Variants in ACOXL observed in about 807,000 individuals in gnomAD.
ACOXL encodes acyl-CoA oxidase like.
Under a neutral mutation model 71.9 loss-of-function variants are expected in ACOXL, and 70 were observed. The observed-to-expected ratio is 0.97, with a 90% CI of 0.80 to 1.19. The LOEUF is 1.19. Ranked by LOEUF, ACOXL falls within the 50% of genes most tolerant of loss-of-function variation. The probability of loss-of-function intolerance (pLI) is 0.00; values close to 1 mark genes in which losing one functional copy is unlikely to be tolerated. For synonymous variants in ACOXL, 253 were observed against 281.6 expected, an observed-to-expected ratio of 0.90 and a Z score of 1.02; for missense variants, 703 against 736.3, an observed-to-expected ratio of 0.95 and a Z score of 0.52.
intron 9 of ACOXL, among the ~76,000 whole-genome samples, chr2:110,810,046 T>C (rs569526212): frequency 6.6e-6 from 1 of 152,308 alleles, no homozygotes; most frequent in African/African-American, 2.4e-5. Flanking sequence ...CTGGTTCAGC[T>C]ACTGGCTGGG....
chr2:110,863,500 C>G (rs762686945), intron 10 of ACOXL, among the ~76,000 whole-genome samples: 11 of 152,060 alleles, frequency 7.2e-5, no homozygotes, highest in Non-Finnish European at 1.6e-4. Flanking sequence ...TTCTCCTCTT[C>G]TACAATGAAT....
intron 5 of ACOXL, 60 bp downstream of exon 5, chr2:110,794,234 T>A: frequency 6.7e-7 from 1 of 1,492,676 alleles, no homozygotes; most frequent in Non-Finnish European, 9.3e-7. Flanking sequence ...CAGAAACAGA[T>A]CTCCTTCTTT....
intron 10 of ACOXL, among the ~76,000 whole-genome samples, chr2:110,904,605 A>T (rs1346823480): frequency 6.6e-6 from 1 of 152,238 alleles, no homozygotes; most frequent in Non-Finnish European, 1.5e-5. Flanking sequence ...AGAAGAGGAC[A>T]GCCATTGAAA....
intron 9 of ACOXL, among the ~76,000 whole-genome samples, chr2:110,810,592 C>T (rs1399356954): frequency 2.0e-5 from 3 of 151,788 alleles, no homozygotes; most frequent in Non-Finnish European, 2.9e-5. Flanking sequence ...ATTCATCATC[C>T]ATGCATCATT....
chr2:110,733,740 A>T (rs1206299364), intron 1 of ACOXL, among the ~76,000 whole-genome samples: 1 of 152,008 alleles, frequency 6.6e-6, no homozygotes, highest in East Asian at 1.9e-4. Flanking sequence ...TGAAAGTTGA[A>T]AAGTGAGAAG....
At chr2:110,735,821 T>A (rs932091984) in intron 1 of ACOXL, among the ~76,000 whole-genome samples, 1 of 152,150 alleles carries the variant, frequency 6.6e-6, no homozygotes, top group Non-Finnish European at 1.5e-5. Flanking sequence ...AAAAGCAACA[T>A]CTGAAATGAG....
chr2:110,929,365 G>C (rs1427841422), intron 11 of ACOXL, among the ~76,000 whole-genome samples: 3 of 152,186 alleles, frequency 2.0e-5, no homozygotes, highest in African/African-American at 7.2e-5. Context: ...CTTTGAACTT[G>C]AGGGAGATGA....
chr2:110,987,205 A>C lies in ACOXL; in HGVS notation c.1157A>C (p.Lys386Thr). 6.4e-7 allele frequency: 1 copy of C among 1,572,832 alleles called. No homozygotes were observed. The highest frequency in any genetic ancestry group is 8.6e-7 in the Non-Finnish European group (1 of 1,156,166). Residue 386 changes from lysine (K) to threonine (T), a missense_variant, in exon 13 of 18, where the codon AAG (lysine) becomes ACG (threonine). Physicochemically the swap from Lys to Thr is moderately conservative, Grantham distance 78. Transcript: ENST00000439055. ...AACTGGGCTGAATCTGTGGGGGACA[A>C]GCTGAGAACCAGGTACGTATTACTC... Reference protein sequence around the residue: ...LQNWAESVGDKLRTSFLAFNM... With the variant: ...LQNWAESVGDTLRTSFLAFNM...
intron 1 of ACOXL, among the ~76,000 whole-genome samples, chr2:110,751,080 T>C (rs1193400186): frequency 1.3e-5 from 2 of 151,722 alleles, no homozygotes; most frequent in Non-Finnish European, 2.9e-5. Context: ...AGGCGGATCA[T>C]GAGGTCAGGA....
chr2:111,093,372 A>T, intron 17 of ACOXL: 4 of 1,348,916 alleles, frequency 3.0e-6, no homozygotes, highest in Non-Finnish European at 4.2e-6. Flanking sequence ...GCTACGGAGC[A>T]CCTGAAAAAG....
chr2:110,783,211 G>A (rs754398231), intron 2 of ACOXL, among the ~76,000 whole-genome samples: 1 of 152,134 alleles, frequency 6.6e-6, no homozygotes, highest in Non-Finnish European at 1.5e-5. Context: ...TTAGCCTCCC[G>A]TGTAGGGTTG....
rs556246363 is a variant in ACOXL at position 111,088,323 on chromosome 2, A to G, written c.1441-4542A>G. 2.6e-5 allele frequency among the ~76,000 whole-genome samples: 4 copies of G among 152,354 alleles called. No homozygotes were observed. The East Asian group carries it at 7.7e-4, about 29-fold the overall frequency. On this transcript the variant is annotated intron_variant, in intron 16 of 17. Transcript: ENST00000439055. ...TACCCAAAGGAATATAAATCATTCTACCATAAGGATACATGCATGCCTGTG... is the reference window on the plus strand; with the variant it reads ...TACCCAAAGGAATATAAATCATTCTGCCATAAGGATACATGCATGCCTGTG...
chr2:110,834,443 T>C (rs1405252207), intron 9 of ACOXL, among the ~76,000 whole-genome samples: 1 of 152,206 alleles, frequency 6.6e-6, no homozygotes, highest in Non-Finnish European at 1.5e-5. Flanking sequence ...AACGTAAGCC[T>C]AAGAAAAATG....
Position 111,110,801 on chromosome 2 carries a change from C to T in ACOXL, c.1543-6815C>T, listed in dbSNP as rs555073498. 2.5e-4 allele frequency among the ~76,000 whole-genome samples: 38 copies of T among 152,324 alleles called. No homozygotes were observed. In the South Asian group the frequency reaches 6.8e-3, roughly 27 times the overall value. ...TGATTTTTACTTTGTTCAGATTCTT[C>T]AGTTTGTAACCATGGAGCAAAATTC... On this transcript the variant is annotated intron_variant, in intron 17 of 17. Transcript: ENST00000439055.
intron 10 of ACOXL, among the ~76,000 whole-genome samples, chr2:110,851,207 C>T (rs770404420): frequency 1.3e-5 from 2 of 152,078 alleles, no homozygotes; most frequent in Non-Finnish European, 2.9e-5. Context: ...ATATATTTTC[C>T]AAAATTCATA....
At chr2:111,041,259 C>T (rs1401817923) in intron 15 of ACOXL, among the ~76,000 whole-genome samples, 2 of 152,134 alleles carry the variant, frequency 1.3e-5, no homozygotes, top group South Asian at 2.1e-4. Context: ...TGAGCCTGAG[C>T]ACTATATTAA....
intron 10 of ACOXL, among the ~76,000 whole-genome samples, chr2:110,903,628 T>C (rs972531945): frequency 1.3e-5 from 2 of 152,216 alleles, no homozygotes; most frequent in East Asian, 3.8e-4. Flanking sequence ...AGGAAAATAG[T>C]AACCCAGTGG....
At chr2:110,794,895 G>A (rs796902211) in intron 5 of ACOXL, among the ~76,000 whole-genome samples, 65 of 151,966 alleles carry the variant, frequency 4.3e-4, no homozygotes, top group African/African-American at 1.5e-3. Flanking sequence ...CCCTCGGGAC[G>A]CTGCTTTGTA....
chr2:111,003,866 C>G (rs2063756792), intron 14 of ACOXL, among the ~76,000 whole-genome samples: 1 of 152,090 alleles, frequency 6.6e-6, no homozygotes, highest in Non-Finnish European at 1.5e-5. Flanking sequence ...TATGCTCTTG[C>G]CTTAAGATAA....
Sources: gnomAD v4.1 joint callset for allele counts (sites outside exome capture counted in the v4.1 genomes callset) on GRCh38, gnomAD v4.1.1 for gene constraint, MANE v1.5 for transcripts, NCBI Gene and HGNC (gene_info 2026-07-23, HGNC 2026-07-21) for gene names.